Variants in CCN2 observed in about 807,000 individuals in gnomAD.
CCN2 encodes cellular communication network factor 2, also known as CCN family member 2.
In CCN2, 22 loss-of-function variants were observed where a neutral mutation model predicts 33.2. The observed-to-expected ratio is 0.66, with a 90% CI of 0.47 to 0.95. CCN2 has a LOEUF of 0.95. Ranked by LOEUF, CCN2 falls within the 40% of genes least tolerant of loss-of-function variation. CCN2 has a pLI of 0.00. For synonymous variants in CCN2, 178 were observed against 200.6 expected (o/e 0.89, Z 0.95); for missense variants, 469 against 498.8 (o/e 0.94, Z 0.57).
In CCN2 at chr6:131,950,668, T is replaced by C. The variant is rs1441000275; in HGVS notation, c.289+102A>G. 2 of 1,491,722 alleles carry C rather than the reference T, an allele frequency of 1.3e-6. No individual in the cohort carries two copies. Among genetic ancestry groups the C allele is most frequent in the Non-Finnish European group, 1.8e-6 (2 of 1,105,910 alleles). The allele number at this position is 1,491,722 out of a possible 1,614,324, so 92.4% of individuals were successfully genotyped here. A position where few individuals can be genotyped will look rare whatever the true frequency, so the allele number is the denominator to read the frequency against. On this transcript the variant is annotated intron_variant, in intron 2 of 4. Transcript: ENST00000367976. This position sits in a 1 kb window ranked among gnomAD's most constrained non-coding sequence, Gnocchi z 7.1. ...CTGCAGGGGGCGGGCTGGCAGCAGC[T>C]GGAGAAAGAAACTCAGTCCGAGCGG...
rs1783051613 is a variant in CCN2 at position 131,948,419 on chromosome 6, C to T, written c.*845G>A. The stretch of plus-strand genomic sequence containing the variant: ...ATCAGCCTGCCAAGGACACTGATGC[C>T]TCCCCTTTGCAAACAATCTGTTTTG... On this transcript the variant is annotated 3_prime_UTR_variant, in exon 5 of 5. Transcript: ENST00000367976. 1 of 152,556 alleles carries T rather than the reference C, an allele frequency of 6.6e-6. No individual in the cohort carries two copies. Among genetic ancestry groups the T allele is most frequent in the South Asian group, 2.1e-4 (1 of 4,822 alleles). The allele number at this position is 152,556 out of a possible 1,614,324, so 9.5% of individuals were successfully genotyped here.
chr6:131,949,448 T>C lies in CCN2; in HGVS notation c.866A>G (p.Asp289Gly). 10 of 1,614,090 alleles carry C rather than the reference T, an allele frequency of 6.2e-6. No individual in the cohort carries two copies. Among genetic ancestry groups the C allele is most frequent in the Non-Finnish European group, 8.5e-6 (10 of 1,180,004 alleles). Residue 289 changes from aspartate (D) to glycine (G), a missense_variant, in exon 5 of 5, where the codon GAC becomes GGC. Transcript: ENST00000367976. ...YRAKFCGVCT[D>G]GRCCTPHRTT... ...TCTGTGGGGGGTGCAGCATCGGCCG[T>C]CGGTACATACTCCACAGAATTTAGC...
At position 131,950,723 on chromosome 6, in the gene CCN2, A is replaced by T; in HGVS notation, c.289+47T>A. 1 of 1,488,006 alleles carries T rather than the reference A, an allele frequency of 6.7e-7. No individual in the cohort carries two copies. Among genetic ancestry groups the T allele is most frequent in the Non-Finnish European group, 9.0e-7 (1 of 1,113,344 alleles). The allele number at this position is 1,488,006 out of a possible 1,614,324, so 92.2% of individuals were successfully genotyped here. On this transcript the variant is annotated intron_variant, in intron 2 of 4. Coordinates refer to ENST00000367976, the MANE Select transcript of CCN2 (RefSeq NM_001901.4). This position sits in a 1 kb window ranked among gnomAD's most constrained non-coding sequence, Gnocchi z 7.1. The stretch of plus-strand genomic sequence containing the variant: ...TTTTTCCAGCGGGCGGGTGGGCGTG[A>T]GGGAGGAGGCGGCCGGACACCTAGC...
intron 4 of CCN2, 25 bp from the exon 5 acceptor site, chr6:131,949,585 GA>G: frequency 1.0e-5 from 8 of 794,360 alleles, no homozygotes; most frequent in African/African-American, 2.6e-5. Context: ...GGAAAAGAGA[GA>G]GGAAAAAAAA....
rs764190999 is a variant in CCN2, at chr6:131,950,319, G to T, written c.514C>A (p.Gln172Lys). The change falls in exon 3 of 5, where the codon CAA (glutamine) becomes AAA (lysine). Residue 172 changes from glutamine (Q) to lysine (K), a missense_variant. Physicochemically the swap from Gln to Lys is moderately conservative, Grantham distance 53. Transcript: ENST00000367976. This position sits in a 1 kb window ranked among gnomAD's most constrained non-coding sequence, Gnocchi z 7.1. ...GCGAGGGCAGGCCCAACCACGGTTTGGTCCTTGGGCTCGTCACACACCCAC... is the reference window on the plus strand; with the variant it reads ...GCGAGGGCAGGCCCAACCACGGTTTTGTCCTTGGGCTCGTCACACACCCAC... ...EEWVCDEPKDQTVVGPALAAY... is the reference protein window; with the variant it reads ...EEWVCDEPKDKTVVGPALAAY... The T allele has an allele frequency of 6.2e-7, 1 of 1,614,074 alleles. No homozygotes were observed. The highest frequency in any genetic ancestry group is 1.7e-5 in the Admixed American group (1 of 60,028).
Position 131,950,083 on chromosome 6 carries a change from T to G in CCN2, c.619A>C (p.Ser207Arg), listed in dbSNP as rs1353655888. The G allele has an allele frequency of 6.2e-7, 1 of 1,614,224 alleles. No individual in the cohort carries two copies. The highest frequency in any genetic ancestry group is 2.2e-5 in the East Asian group (1 of 44,884). ...ATCCCACAGGTCTTGGAACAGGCGC[T>G]CCACTCTGTGGTCTGGACCAGGCAG... ...ANCLVQTTEW[S>R]ACSKTCGMGI... The change falls in exon 4 of 5, where the codon AGC (serine) becomes CGC (arginine). Residue 207 changes from serine to arginine, a missense_variant. Transcript: ENST00000367976. This position sits in a 1 kb window ranked among gnomAD's most constrained non-coding sequence, Gnocchi z 7.1.
Position 131,950,899 on chromosome 6 carries a change from A to G in CCN2, c.160T>C (p.Cys54Arg). ...TTGGCGCAGACGCGGCAGCAGCCGC[A>G]GCCGTCCAGCACGAGGCTCACGCCC... ...PAGVSLVLDG[C>R]GCCRVCAKQL... is the part of the protein sequence containing the mutation. Residue 54 changes from cysteine (C) to arginine (R), a missense_variant, in exon 2 of 5, where the codon TGC becomes CGC. Coordinates refer to ENST00000367976, the MANE Select transcript of CCN2 (RefSeq NM_001901.4). The surrounding 1 kb of genome is among the most constrained non-coding windows in gnomAD (Gnocchi z 7.1). The G allele has an allele frequency of 6.5e-7, 1 of 1,528,386 alleles. No homozygotes were observed. Among genetic ancestry groups the G allele is most frequent in the South Asian group, 1.2e-5 (1 of 83,482 alleles). 94.7% of individuals were successfully genotyped at this position (1,528,386 alleles called of 1,614,324 possible).
rs546576061 is a variant in CCN2, at chr6:131,948,943, G to A, written c.*321C>T. The A allele has an allele frequency of 9.2e-6, 3 of 327,024 alleles. No individual in the cohort carries two copies. Among genetic ancestry groups the A allele is most frequent in the Admixed American group, 4.2e-5 (1 of 24,050 alleles). 20.3% of individuals were successfully genotyped at this position (327,024 alleles called of 1,614,324 possible). On this transcript the variant is annotated 3_prime_UTR_variant, in exon 5 of 5. Transcript: ENST00000367976. ...ACTTCAAATAGCAGGCATATTACTCGTATAAGATGCTATCTGATGATACTA... is the reference window on the plus strand; with the variant it reads ...ACTTCAAATAGCAGGCATATTACTCATATAAGATGCTATCTGATGATACTA...
chr6:131,950,614 A>G lies in CCN2; in HGVS notation c.290-71T>C. 1 of 1,571,594 alleles carries G rather than the reference A, an allele frequency of 6.4e-7. No individual in the cohort carries two copies. Among genetic ancestry groups the G allele is most frequent in the South Asian group, 1.2e-5 (1 of 84,228 alleles). ...GGCATTGGGGCACTCTCACATCCAG[A>G]GCGTCAGGGATGCGAGTTGGGATCT... On this transcript the variant is annotated intron_variant, in intron 2 of 4. Coordinates refer to ENST00000367976, the MANE Select transcript of CCN2 (RefSeq NM_001901.4). This position sits in a 1 kb window ranked among gnomAD's most constrained non-coding sequence, Gnocchi z 7.1.
chr6:131,949,876 G>T (rs1432077828), intron 4 of CCN2, 73 bp downstream of exon 4: 17 of 1,421,678 alleles, frequency 1.2e-5, no homozygotes, highest in Non-Finnish European at 1.7e-5. Context: ...TAACAAGCGT[G>T]GCAAGAGCCC....
chr6:131,950,070 T>C lies in CCN2; in HGVS notation c.632A>G (p.Lys211Arg). Reference sequence around the variant, plus strand: ...GGTGGAGATGCCCATCCCACAGGTCTTGGAACAGGCGCTCCACTCTGTGGT... The same window carrying C: ...GGTGGAGATGCCCATCCCACAGGTCCTGGAACAGGCGCTCCACTCTGTGGT... Reference protein sequence around the residue: ...VQTTEWSACSKTCGMGISTRV... With the variant: ...VQTTEWSACSRTCGMGISTRV... Residue 211 changes from lysine (K) to arginine (R), a missense_variant, in exon 4 of 5, where the codon AAG becomes AGG. Coordinates refer to ENST00000367976, the MANE Select transcript of CCN2 (RefSeq NM_001901.4). This position sits in a 1 kb window ranked among gnomAD's most constrained non-coding sequence, Gnocchi z 7.1. 2 of 1,614,240 alleles carry C rather than the reference T, an allele frequency of 1.2e-6. No homozygotes were observed. Among genetic ancestry groups the C allele is most frequent in the Non-Finnish European group, 1.7e-6 (2 of 1,180,032 alleles).
At position 131,951,129 on chromosome 6, in the gene CCN2, A is replaced by G. The variant is rs1435972521; in HGVS notation, c.44T>C (p.Val15Ala). 7.4e-7 allele frequency: 1 copy of G among 1,344,004 alleles called. No individual in the cohort carries two copies. Among genetic ancestry groups the G allele is most frequent in the Non-Finnish European group, 9.6e-7 (1 of 1,045,396 alleles). 83.3% of individuals were successfully genotyped at this position (1,344,004 alleles called of 1,614,324 possible). A position where few individuals can be genotyped will look rare whatever the true frequency, so the allele number is the denominator to read the frequency against. The change falls in exon 1 of 5, where the codon GTC becomes GCC. Residue 15 changes from valine (V) to alanine (A), a missense_variant. Val to Ala is a moderately conservative substitution (Grantham distance 64, BLOSUM62 0). Transcript: ENST00000367976. ...TACCCGGCTGCAGAGGGCGAGGAGG[A>G]CCACGAAGGCGACGCGGACGGGGCC... ...SMGPVRVAFVVLLALCSRPAV... is the reference protein window; with the variant it reads ...SMGPVRVAFVALLALCSRPAV...
rs1783088046 is a variant in CCN2 at position 131,950,467 on chromosome 6, G to A, written c.366C>T (p.Tyr122=). ...CCGCCCCGTCCAGGCACGTGCACTG[G>A]TACTTGCAGCTGCTCTGGAAGGACT... ...SGESFQSSCK[Y]QCTCLDGAVG... Residue 122 remains tyrosine, a synonymous_variant, in exon 3 of 5, where the codon TAC becomes TAT. Transcript: ENST00000367976. This position sits in a 1 kb window ranked among gnomAD's most constrained non-coding sequence, Gnocchi z 7.1. 2.5e-6 allele frequency: 4 copies of A among 1,613,870 alleles called. No homozygotes were observed. The highest frequency in any genetic ancestry group is 1.3e-5 in the African/African-American group (1 of 74,932).
rs1783100930 is a variant in CCN2 at position 131,950,962 on chromosome 6, A to T, written c.97T>A (p.Cys33Ser). Reference sequence around the variant, plus strand: ...GGCGCCGGCTCGTCCGGGCACCGGCACGGCCCGCTGCAGTTCTGGCCGACG... The same window carrying T: ...GGCGCCGGCTCGTCCGGGCACCGGCTCGGCCCGCTGCAGTTCTGGCCGACG... ...PAVGQNCSGP[C>S]RCPDEPAPRC... is the part of the protein sequence containing the mutation. Residue 33 changes from cysteine (C) to serine (S), a missense_variant, in exon 2 of 5, where the codon TGC becomes AGC. Coordinates refer to ENST00000367976, the MANE Select transcript of CCN2 (RefSeq NM_001901.4). The surrounding 1 kb of genome is among the most constrained non-coding windows in gnomAD (Gnocchi z 7.1). 7.3e-7 allele frequency: 1 copy of T among 1,373,412 alleles called. No individual in the cohort carries two copies. The highest frequency in any genetic ancestry group is 9.3e-7 in the Non-Finnish European group (1 of 1,074,618). 85.1% of individuals were successfully genotyped at this position (1,373,412 alleles called of 1,614,324 possible).
intron 1 of CCN2, 42 bp from the exon 2 acceptor site, chr6:131,951,034 G>A (rs985683514): frequency 2.4e-6 from 3 of 1,255,666 alleles, no homozygotes; most frequent in East Asian, 3.4e-5. Context: ...CGGTCGGCGC[G>A]CACGCCCTCC....
At position 131,949,278 on chromosome 6, in the gene CCN2, C is replaced by T. The variant is rs866211072; in HGVS notation, c.1036G>A (p.Gly346Arg). The T allele has an allele frequency of 3.7e-6, 6 of 1,613,698 alleles. No individual in the cohort carries two copies. The highest frequency in any genetic ancestry group is 3.3e-5 in the Admixed American group (2 of 60,010). The part of the protein sequence containing the change: ...FESLYYRKMY[G>R]DMA ...ACTCTCTGGCTTCATGCCATGTCTC[C>T]GTACATCTTCCTGTAGTACAGCGAT... The change falls in exon 5 of 5, where the codon GGA becomes AGA. Residue 346 changes from glycine (G) to arginine (R), a missense_variant. Physicochemically the swap from Gly to Arg is moderately radical, Grantham distance 125 (BLOSUM62 -2). Transcript: ENST00000367976.
intron 1 of CCN2, 42 bp from the exon 2 acceptor site, chr6:131,951,034 G>T (rs985683514): frequency 8.0e-7 from 1 of 1,255,666 alleles, no homozygotes; most frequent in Non-Finnish European, 9.9e-7. Flanking sequence ...CGGTCGGCGC[G>T]CACGCCCTCC....
At position 131,950,915 on chromosome 6, in the gene CCN2, G is replaced by T; in HGVS notation, c.144C>A (p.Ser48Arg). 1 of 1,481,592 alleles carries T rather than the reference G, an allele frequency of 6.7e-7. No homozygotes were observed. The highest frequency in any genetic ancestry group is 1.5e-5 in the African/African-American group (1 of 68,242). 91.8% of individuals were successfully genotyped at this position (1,481,592 alleles called of 1,614,324 possible). Residue 48 changes from serine (S) to arginine (R), a missense_variant, in exon 2 of 5, where the codon AGC becomes AGA. Ser to Arg is a moderately radical substitution (Grantham distance 110). Coordinates refer to ENST00000367976, the MANE Select transcript of CCN2 (RefSeq NM_001901.4). The surrounding 1 kb of genome is among the most constrained non-coding windows in gnomAD (Gnocchi z 7.1). ...EPAPRCPAGV[S>R]LVLDGCGCCR... The stretch of plus-strand genomic sequence containing the variant: ...AGCAGCCGCAGCCGTCCAGCACGAG[G>T]CTCACGCCCGCCGGGCAGCGCGGCG...
Position 131,948,525 on chromosome 6 carries a change from C to A in CCN2, c.*739G>T, listed in dbSNP as rs1403223645. On this transcript the variant is annotated 3_prime_UTR_variant, in exon 5 of 5. Coordinates refer to ENST00000367976, the MANE Select transcript of CCN2 (RefSeq NM_001901.4). ...TGAACGATCAGACAAGCTTTACATT[C>A]TACCTATGGTGTTCAGAAATTGAGG... is the stretch of plus-strand genomic sequence containing the variant. The A allele has an allele frequency of 6.6e-6, 1 of 152,520 alleles. No homozygotes were observed. Among genetic ancestry groups the A allele is most frequent in the Non-Finnish European group, 1.5e-5 (1 of 68,016 alleles). 9.4% of individuals were successfully genotyped at this position (152,520 alleles called of 1,614,324 possible). A position where few individuals can be genotyped will look rare whatever the true frequency, so the allele number is the denominator to read the frequency against.
Sources: allele counts gnomAD v4.1 joint callset, GRCh38; gene constraint gnomAD v4.1.1; non-coding constraint Gnocchi (gnomAD v3.1); transcripts MANE v1.5; gene names NCBI Gene and HGNC (gene_info 2026-07-23, HGNC 2026-07-21).